COL5A3: variants seen among roughly 807,000 people sequenced by gnomAD.
The protein encoded by COL5A3 is collagen alpha-3(V) chain.
COL5A3 carries 172 observed loss-of-function variants against 250.0 expected under a neutral mutation model. The observed-to-expected ratio is 0.69, with a 90% CI of 0.61 to 0.78. The LOEUF (loss-of-function observed/expected upper bound fraction) is 0.78. COL5A3 is among the 30% of genes least tolerant of loss of function. The pLI is 0.00. For synonymous variants in COL5A3, 937 were observed against 900.4 expected (o/e 1.04, Z -0.73); for missense variants, 2,340 against 2,334.4 (o/e 1.00, Z -0.05).
chr19:10,009,623 CA>C lies in COL5A3; in HGVS notation c.88+674del, dbSNP rs1030705952. Among the ~76,000 whole-genome samples the C allele has an allele frequency of 2.6e-5, 4 of 151,738 alleles. No homozygotes were observed. The highest frequency in any genetic ancestry group is 9.7e-5 in the African/African-American group (4 of 41,282). ...GGGGACCGCGGGGTGGGGGAGGGGG[CA>C]ACAGGGAGGGAGGGGAGGAGATGGG... On this transcript the variant is annotated intron_variant, in intron 1 of 66. Transcript: ENST00000264828. The surrounding 1 kb of genome is among the most constrained non-coding windows in gnomAD (Gnocchi z 4.4).
intron 6 of COL5A3, among the ~76,000 whole-genome samples, chr19:10,003,097 A>C (rs567377653): frequency 1.3e-5 from 2 of 152,316 alleles, no homozygotes; most frequent in East Asian, 3.9e-4. Context: ...CAGGGAAGCC[A>C]AATAATGCCC....
Position 9,967,364 on chromosome 19 carries a change from C to T in COL5A3, c.4441G>A (p.Gly1481Ser). The change falls in exon 62 of 67, where the codon GGC becomes AGC. Residue 1481 changes from glycine (G) to serine (S), a missense_variant. By Grantham distance (56) the Gly-to-Ser change is moderately conservative. Transcript: ENST00000264828. ...GAACTCACCGGGGGGCCTGGTGGGC[C>T]TGCAGGTCCAGTGTCTCCACGGGGG... ...MGPRGDTGPA[G>S]PPGPPGAPAE... The T allele has an allele frequency of 6.9e-7, 1 of 1,453,218 alleles. No individual in the cohort carries two copies. Among genetic ancestry groups the T allele is most frequent in the Non-Finnish European group, 9.0e-7 (1 of 1,109,698 alleles). 90.0% of individuals were successfully genotyped at this position (1,453,218 alleles called of 1,614,324 possible).
At chr19:9,996,873 G>C in intron 11 of COL5A3, 184 bp from the exon 12 acceptor site, 1 of 583,390 alleles carries the variant, frequency 1.7e-6, no homozygotes, top group Admixed American at 3.5e-5. Flanking sequence ...GAAAGGAAAA[G>C]ACAGAGATGG....
rs1190352380 is a variant in COL5A3, at chr19:9,979,518, G to A, written c.2713-101C>T. 50 of 1,281,254 alleles carry A rather than the reference G, an allele frequency of 3.9e-5. No homozygotes were observed. In the Admixed American group the frequency reaches 4.3e-4, roughly 11 times the overall value. The allele number at this position is 1,281,254 out of a possible 1,614,324, so 79.4% of individuals were successfully genotyped here. A position where few individuals can be genotyped will look rare whatever the true frequency, so the allele number is the denominator to read the frequency against. On this transcript the variant is annotated intron_variant, in intron 37 of 66. Coordinates refer to ENST00000264828, the MANE Select transcript of COL5A3 (RefSeq NM_015719.4). Reference sequence around the variant, plus strand: ...ATAGGATCAGGAATCTGGCCGGTCCGGTGGCTCACGCCTGTAATCCCAGCA... The same window carrying A: ...ATAGGATCAGGAATCTGGCCGGTCCAGTGGCTCACGCCTGTAATCCCAGCA...
chr19:9,970,190 GTC>G (rs2086814414), intron 54 of COL5A3, among the ~76,000 whole-genome samples: 1 of 66,490 alleles, frequency 1.5e-5, no homozygotes, highest in Non-Finnish European at 3.0e-5. Context: ...GGTGAGTGGG[GTC>G]TGTGGGTGAG....
Position 9,980,662 on chromosome 19 carries a change from T to C in COL5A3, c.2590A>G (p.Ile864Val). 3 of 1,613,512 alleles carry C rather than the reference T, an allele frequency of 1.9e-6. No homozygotes were observed. The highest frequency in any genetic ancestry group is 8.5e-7 in the Non-Finnish European group (1 of 1,179,886). The change falls in exon 35 of 67, where the codon ATC (isoleucine) becomes GTC (valine). Residue 864 changes from isoleucine to valine, a missense_variant. Ile to Val is a conservative substitution (Grantham distance 29). This residue lies in a region of COL5A3 where 9 missense variants were observed against 25.5 expected (regional missense o/e 0.35). Transcript: ENST00000264828. Reference sequence around the variant, plus strand: ...CACACACTCACCTTTTCTCCAGGGATCCCAGGGGCTCCATCCTGGCCCACA... The same window carrying C: ...CACACACTCACCTTTTCTCCAGGGACCCCAGGGGCTCCATCCTGGCCCACA... ...GDVGQDGAPG[I>V]PGEKGLPGLQ... is the part of the protein sequence containing the mutation.
At chr19:9,984,873 C>T (rs898662573) in intron 31 of COL5A3, among the ~76,000 whole-genome samples, 4 of 151,408 alleles carry the variant, frequency 2.6e-5, no homozygotes, top group African/African-American at 9.7e-5. Flanking sequence ...TCACTGCAGG[C>T]TCAATCTCCT....
chr19:9,977,187 C>T (rs150247030), intron 44 of COL5A3, 42 bp downstream of exon 44: 100 of 1,597,580 alleles, frequency 6.3e-5, no homozygotes, highest in East Asian at 2.9e-4. Context: ...CTCTTTCTTC[C>T]GCTACCCACC....
intron 1 of COL5A3, 93 bp from the exon 2 acceptor site, chr19:10,006,324 G>A (rs2087443563): frequency 4.8e-6 from 6 of 1,262,386 alleles, no homozygotes; most frequent in Non-Finnish European, 6.4e-6. Flanking sequence ...GGTTTTTTTA[G>A]GGGGCTCAGC....
chr19:9,978,894 G>T lies in COL5A3; in HGVS notation c.2961C>A (p.Asp987Glu). 1.4e-6 allele frequency: 2 copies of T among 1,467,512 alleles called. No homozygotes were observed. Among genetic ancestry groups the T allele is most frequent in the Non-Finnish European group, 1.8e-6 (2 of 1,109,866 alleles). 90.9% of individuals were successfully genotyped at this position (1,467,512 alleles called of 1,614,324 possible). A position where few individuals can be genotyped will look rare whatever the true frequency, so the allele number is the denominator to read the frequency against. The change falls in exon 40 of 67, where the codon GAC becomes GAA. Residue 987 changes from aspartate (D) to glutamate (E), a missense_variant. By Grantham distance (45) the Asp-to-Glu change is conservative. Around this residue, in one of 3 missense-constraint regions of COL5A3, gnomAD observed 1,179 missense variants for 1,162.6 expected, o/e 1.01. Transcript: ENST00000264828. ...GFPGPKGGPG[D>E]PGPTGLKGDK... ...GAGGGTCTCCAAAGATACTCACCGGGTCCCCAGGGCCCCCTTTGGGGCCGG... is the reference window on the plus strand; with the variant it reads ...GAGGGTCTCCAAAGATACTCACCGGTTCCCCAGGGCCCCCTTTGGGGCCGG...
intron 19 of COL5A3, 92 bp from the exon 20 acceptor site, chr19:9,993,159 G>A (rs775362089): frequency 4.6e-4 from 632 of 1,372,364 alleles, no homozygotes; most frequent in Non-Finnish European, 6.1e-4. Context: ...AGGGGGTCTC[G>A]GAATTAGACC....
intron 31 of COL5A3, among the ~76,000 whole-genome samples, chr19:9,983,166 C>G (rs1183137530): frequency 6.6e-6 from 1 of 152,038 alleles, no homozygotes; most frequent in African/African-American, 2.4e-5. Flanking sequence ...GGCCCCAACA[C>G]TCTTCAAGGA....
At chr19:9,971,577 T>A (rs8100115) in intron 51 of COL5A3, among the ~76,000 whole-genome samples, 1 of 152,082 alleles carries the variant, frequency 6.6e-6, no homozygotes, top group African/African-American at 2.4e-5. Context: ...ATTCATTCAT[T>A]CATCCATCCA....
At position 9,968,557 on chromosome 19, in the gene COL5A3, G is replaced by C. The variant is rs559037577; in HGVS notation, c.4207-65C>G. On this transcript the variant is annotated intron_variant, in intron 58 of 66. Transcript: ENST00000264828. This position sits in a 1 kb window ranked among gnomAD's most constrained non-coding sequence, Gnocchi z 4.1. ...AGGATTCAGGGAGGTTTTTCTCCTA[G>C]AGCCTTAGGGTGATGAGTTTGGGAG... is the stretch of plus-strand genomic sequence containing the variant. 124 of 1,565,178 alleles carry C rather than the reference G, an allele frequency of 7.9e-5. No individual in the cohort carries two copies. Among genetic ancestry groups the C allele is most frequent in the Admixed American group, 3.7e-4 (19 of 51,300 alleles).
At chr19:9,983,411 C>G (rs2087036908) in intron 31 of COL5A3, among the ~76,000 whole-genome samples, 1 of 151,790 alleles carries the variant, frequency 6.6e-6, no homozygotes, top group East Asian at 2.0e-4. Context: ...GGCAGGAGGA[C>G]TGCTTGAGTC....
intron 31 of COL5A3, among the ~76,000 whole-genome samples, chr19:9,983,729 AAGAG>A (rs1568419077): frequency 2.0e-5 from 3 of 150,692 alleles, no homozygotes; most frequent in Non-Finnish European, 4.4e-5. Flanking sequence ...GAAAAGAAAA[AAGAG>A]GGGGACGCAG....
In COL5A3 at chr19:9,988,628, C is replaced by T. The variant is rs532222585; in HGVS notation, c.2145+496G>A. ...GGTGGATCACCTGAGGTCAGGAGTT[C>T]GAGACCAGCCTGGCCAACATGGTGA... On this transcript the variant is annotated intron_variant, in intron 27 of 66. Transcript: ENST00000264828. Among the ~76,000 whole-genome samples the T allele has an allele frequency of 2.6e-5, 4 of 151,760 alleles. No individual in the cohort carries two copies. The East Asian group carries it at 5.8e-4, about 22-fold the overall frequency.
At chr19:9,970,462 TG>T (rs2086827003) in intron 54 of COL5A3, among the ~76,000 whole-genome samples, 159 bp downstream of exon 54, 1 of 18,492 alleles carries the variant, frequency 5.4e-5, no homozygotes, top group South Asian at 1.7e-3. Context: ...GGTCTGTGGG[TG>T]TGTGGGGTCT....
chr19:9,960,875 C>T lies in COL5A3; in HGVS notation c.4867G>A (p.Ala1623Thr), dbSNP rs200584685. The T allele has an allele frequency of 7.3e-5, 118 of 1,605,990 alleles. 1 individual carries two copies. The highest frequency in any genetic ancestry group is 1.6e-4 in the Middle Eastern group (1 of 6,078). ...ACGACATTCACTGGGGACCCGTCGGCGTCCACGTAGGAGAACTGGTGAGAG... is the reference window on the plus strand; with the variant it reads ...ACGACATTCACTGGGGACCCGTCGGTGTCCACGTAGGAGAACTGGTGAGAG... ...RRGKKFSYVD[A>T]DGSPVNVVQL... is the part of the protein sequence containing the mutation. The change falls in exon 66 of 67, where the codon GCC becomes ACC. Residue 1623 changes from alanine (A) to threonine (T), a missense_variant. This residue lies in a region of COL5A3 where 1,179 missense variants were observed against 1,162.6 expected (regional missense o/e 1.01). Coordinates refer to ENST00000264828, the MANE Select transcript of COL5A3 (RefSeq NM_015719.4).
Sources: gnomAD v4.1 joint callset for allele counts (sites outside exome capture counted in the v4.1 genomes callset) on GRCh38, gnomAD v4.1.1 for gene constraint, gnomAD v4.1.1 regional missense constraint, Gnocchi (gnomAD v3.1) non-coding constraint, MANE v1.5 for transcripts, NCBI Gene and HGNC (gene_info 2026-07-23, HGNC 2026-07-21) for gene names.